The following LRP1B variants were observed in gnomAD, a reference collection of about 807,000 sequenced individuals.
The protein encoded by LRP1B is LDL receptor related protein 1B.
A neutral mutation model predicts 556.6 loss-of-function variants in LRP1B; 217 were observed. The ratio of observed to expected loss-of-function variants is 0.39; its 90% CI spans 0.35 to 0.44. LRP1B has a LOEUF of 0.44. Among genes scored for constraint, LRP1B ranks in the 20% least tolerant of loss-of-function variants. The probability of loss-of-function intolerance (pLI) is 1.00; values close to 1 mark genes in which losing one functional copy is unlikely to be tolerated. For synonymous variants in LRP1B, 2,047 were observed against 1,865.8 expected, an observed-to-expected ratio of 1.10 and a Z score of -2.50; for missense variants, 5,053 against 5,620.8, an observed-to-expected ratio of 0.90 and a Z score of 3.23.
intron 84 of LRP1B, among the ~76,000 whole-genome samples, chr2:140,275,960 T>C (rs1015549683): frequency 1.3e-5 from 2 of 151,942 alleles, no homozygotes; most frequent in Non-Finnish European, 2.9e-5. Flanking sequence ...CAATCATGTC[T>C]GTTTTTATAT....
chr2:141,494,678 G>T (rs189358091), intron 2 of LRP1B, among the ~76,000 whole-genome samples: 2 of 150,688 alleles, frequency 1.3e-5, no homozygotes, highest in East Asian at 2.0e-4. Context: ...TCAGCAAAAG[G>T]CTTCTCTTTC....
chr2:141,893,286 C>T (rs1028589373), intron 1 of LRP1B, among the ~76,000 whole-genome samples: 29 of 152,158 alleles, frequency 1.9e-4, no homozygotes, highest in African/African-American at 7.0e-4. Context: ...CTGCAACCTC[C>T]ACCTCCCGGA....
intron 1 of LRP1B, among the ~76,000 whole-genome samples, chr2:142,071,195 C>A (rs1166639095): frequency 6.6e-6 from 1 of 151,818 alleles, no homozygotes. Flanking sequence ...TAAAAACATC[C>A]TAAACCTCAA....
chr2:141,950,377 G>A (rs1246818222), intron 1 of LRP1B, among the ~76,000 whole-genome samples: 2 of 152,104 alleles, frequency 1.3e-5, no homozygotes, highest in African/African-American at 2.4e-5. Context: ...ACTATAAATG[G>A]TTGTTAGGTA....
chr2:140,874,263 T>G (rs1466086343), intron 25 of LRP1B, among the ~76,000 whole-genome samples: 1 of 152,150 alleles, frequency 6.6e-6, no homozygotes, highest in Non-Finnish European at 1.5e-5. Flanking sequence ...ATTGATTTAT[T>G]CTTAGTAAAT....
intron 33 of LRP1B, among the ~76,000 whole-genome samples, chr2:140,774,150 C>T (rs1024939907): frequency 3.3e-5 from 5 of 152,080 alleles, no homozygotes; most frequent in East Asian, 1.9e-4. Flanking sequence ...GAAGCTTTTA[C>T]GCTACCTGCA....
chr2:141,570,317 G>A lies in LRP1B; in HGVS notation c.206-89784C>T, dbSNP rs1190364888. On this transcript the variant is annotated intron_variant, in intron 2 of 90. Coordinates refer to ENST00000389484, the MANE Select transcript of LRP1B (RefSeq NM_018557.3). ...TGACGGCCCACCTGAGAGCCACACG[G>A]GGCAGGGGAACCCACTCCCCTAGCC... is the stretch of plus-strand genomic sequence containing the variant. Among the ~76,000 whole-genome samples the A allele has an allele frequency of 1.3e-5, 2 of 150,858 alleles. 1 individual carries two copies. The highest frequency in any genetic ancestry group is 3.0e-5 in the Non-Finnish European group (2 of 67,266).
Position 141,101,830 on chromosome 2 carries a change from C to T in LRP1B, c.1014-39557G>A, listed in dbSNP as rs574816860. ...CTGAATTTAATTTATCCCAGATTCC[C>T]CATTTGCCTTGGTATCTCTTCAATA... On this transcript the variant is annotated intron_variant, in intron 7 of 90. Transcript: ENST00000389484. 5.9e-5 allele frequency among the ~76,000 whole-genome samples: 9 copies of T among 152,214 alleles called. No homozygotes were observed. The South Asian group carries it at 1.9e-3, about 32-fold the overall frequency.
At chr2:140,523,001 A>G (rs1690249952) in intron 49 of LRP1B, among the ~76,000 whole-genome samples, 1 of 152,016 alleles carries the variant, frequency 6.6e-6, no homozygotes, top group Non-Finnish European at 1.5e-5. Flanking sequence ...ACTGTTCCAA[A>G]TAATTAAGGA....
intron 29 of LRP1B, among the ~76,000 whole-genome samples, chr2:140,845,292 T>C (rs953626296): frequency 3.9e-5 from 6 of 152,182 alleles, no homozygotes; most frequent in African/African-American, 1.4e-4. Flanking sequence ...GGGTCAGCTA[T>C]TATTTTATTG....
intron 2 of LRP1B, among the ~76,000 whole-genome samples, chr2:141,651,125 C>A (rs1314392255): frequency 6.6e-6 from 1 of 152,166 alleles, no homozygotes; most frequent in Non-Finnish European, 1.5e-5. Context: ...CTTGTCAAAA[C>A]CAAAGTATCT....
intron 2 of LRP1B, among the ~76,000 whole-genome samples, chr2:141,546,464 C>A (rs1050961450): frequency 6.6e-6 from 1 of 152,108 alleles, no homozygotes; most frequent in Non-Finnish European, 1.5e-5. Context: ...CATCATGGGT[C>A]CCATCTTCTC....
chr2:141,141,248 T>C (rs770084743), intron 7 of LRP1B, among the ~76,000 whole-genome samples: 1 of 152,190 alleles, frequency 6.6e-6, no homozygotes, highest in Non-Finnish European at 1.5e-5. Flanking sequence ...TTTAAAGTAA[T>C]GCCATCTTTT....
intron 1 of LRP1B, among the ~76,000 whole-genome samples, chr2:141,968,406 T>A (rs1429935944): frequency 6.7e-6 from 1 of 149,938 alleles, no homozygotes; most frequent in Admixed American, 6.6e-5. Flanking sequence ...ATTTGTGTAT[T>A]TTTTTTTCCC....
intron 41 of LRP1B, among the ~76,000 whole-genome samples, chr2:140,685,881 G>C (rs1227004043): frequency 6.6e-6 from 1 of 151,992 alleles, no homozygotes; most frequent in Non-Finnish European, 1.5e-5. Context: ...TAAAACAAAA[G>C]GCAAGCATGT....
chr2:141,464,606 A>ATATATATATTTT lies in LRP1B; in HGVS notation c.343+15789_343+15790insAAAATATATATA. On this transcript the variant is annotated intron_variant, in intron 3 of 90. Transcript: ENST00000389484. ...TTTGTATATATATATATATATATAT[A>ATATATATATTTT]TTTTTTTAGTAGAGATGGGGTTTCA... 6.4e-3 allele frequency among the ~76,000 whole-genome samples: 583 copies of ATATATATATTTT among 90,490 alleles called. 14 individuals are homozygous for ATATATATATTTT. The highest frequency in any genetic ancestry group is 0.017 in the South Asian group (52 of 3,078). 59.4% of individuals were successfully genotyped at this position (90,490 alleles called of 152,430 possible). A position where few individuals can be genotyped will look rare whatever the true frequency, so the allele number is the denominator to read the frequency against.
intron 3 of LRP1B, among the ~76,000 whole-genome samples, chr2:141,454,716 G>T (rs373906227): frequency 6.6e-6 from 1 of 151,826 alleles, no homozygotes. Context: ...TTTTTCTTTC[G>T]TGAAGGTCAG....
intron 43 of LRP1B, among the ~76,000 whole-genome samples, chr2:140,575,263 A>G (rs17806210): frequency 0.42 from 63,333 of 152,026 alleles, 13,448 homozygotes; most frequent in Middle Eastern, 0.57. Flanking sequence ...AGTTATCTGC[A>G]TAATCTCTAA....
intron 1 of LRP1B, among the ~76,000 whole-genome samples, chr2:141,941,651 G>T (rs985397361): frequency 9.2e-5 from 14 of 152,190 alleles, no homozygotes; most frequent in Non-Finnish European, 1.5e-5. Context: ...GGGAACCTGG[G>T]AGCACGTGGA....
Sources: gnomAD v4.1 joint callset for allele counts (sites outside exome capture counted in the v4.1 genomes callset) on GRCh38, gnomAD v4.1.1 for gene constraint, MANE v1.5 for transcripts, NCBI Gene and HGNC (gene_info 2026-07-23, HGNC 2026-07-21) for gene names.